The following ARHGAP24 variants were observed in gnomAD, a reference collection of about 807,000 sequenced individuals.
The protein encoded by ARHGAP24 is rho GTPase-activating protein 24.
ARHGAP24 carries 50 observed loss-of-function variants against 76.4 expected under a neutral mutation model. The observed-to-expected ratio is 0.65, with a 90% CI of 0.52 to 0.83. The LOEUF is 0.83. ARHGAP24 is among the 40% of genes least tolerant of loss of function. ARHGAP24 has a pLI of 0.00. For missense variants in ARHGAP24, 930 were observed against 914.2 expected, an observed-to-expected ratio of 1.02 and a Z score of -0.22; for synonymous variants, 345 against 323.3, an observed-to-expected ratio of 1.07 and a Z score of -0.72.
chr4:85,925,830 C>T (rs1010790213), intron 4 of ARHGAP24, among the ~76,000 whole-genome samples: 27 of 152,070 alleles, frequency 1.8e-4, no homozygotes, highest in Admixed American at 5.2e-4. Flanking sequence ...CTAGCACCTC[C>T]AGGGTAAAGG....
chr4:85,641,114 A>G (rs140061153), intron 2 of ARHGAP24, among the ~76,000 whole-genome samples: 1 of 152,120 alleles, frequency 6.6e-6, no homozygotes, highest in East Asian at 1.9e-4. Context: ...TTCTTTTAAT[A>G]GAGACAGCAT....
At chr4:85,705,360 G>A (rs1168089743) in intron 2 of ARHGAP24, among the ~76,000 whole-genome samples, 2 of 152,020 alleles carry the variant, frequency 1.3e-5, no homozygotes, top group Non-Finnish European at 2.9e-5. Flanking sequence ...GAATATACAT[G>A]TACAAATAAG....
At chr4:85,543,119 A>C (rs1375196049) in intron 1 of ARHGAP24, among the ~76,000 whole-genome samples, 2 of 152,096 alleles carry the variant, frequency 1.3e-5, no homozygotes, top group Non-Finnish European at 2.9e-5. Flanking sequence ...GATTTGGAAG[A>C]CTCCCTCATA....
At chr4:85,858,884 A>G (rs1251676489) in intron 3 of ARHGAP24, among the ~76,000 whole-genome samples, 1 of 152,060 alleles carries the variant, frequency 6.6e-6, no homozygotes, top group Non-Finnish European at 1.5e-5. Flanking sequence ...GAATCTTGAG[A>G]GGTGCACAGA....
chr4:85,561,419 T>C (rs757515134), intron 1 of ARHGAP24, among the ~76,000 whole-genome samples: 4 of 152,240 alleles, frequency 2.6e-5, no homozygotes, highest in Non-Finnish European at 5.9e-5. Flanking sequence ...GATTCCCTTG[T>C]CGGCACCACA....
chr4:86,001,056 T>C lies in ARHGAP24; in HGVS notation c.*334T>C. 1 of 472,846 alleles carries C rather than the reference T, an allele frequency of 2.1e-6. No individual in the cohort carries two copies. The allele number at this position is 472,846 out of a possible 1,614,324, so 29.3% of individuals were successfully genotyped here. On this transcript the variant is annotated 3_prime_UTR_variant, in exon 10 of 10. Coordinates refer to ENST00000395184, the MANE Select transcript of ARHGAP24 (RefSeq NM_001025616.3). ...AATATGTTGTTGCAATTTAGCTTGC[T>C]TTCAAGCTTCACCCCTTGCACTTAA... is the stretch of plus-strand genomic sequence containing the variant.
intron 3 of ARHGAP24, among the ~76,000 whole-genome samples, chr4:85,866,355 A>G (rs1480304156): frequency 1.3e-5 from 2 of 152,154 alleles, no homozygotes; most frequent in East Asian, 1.9e-4. Flanking sequence ...TTACAAAAAA[A>G]TGGAAAAAGA....
chr4:85,563,472 A>G lies in ARHGAP24; in HGVS notation c.-20-7050A>G, dbSNP rs1208033801. 2.6e-5 allele frequency among the ~76,000 whole-genome samples: 4 copies of G among 152,138 alleles called. No homozygotes were observed. The East Asian group carries it at 7.7e-4, about 29-fold the overall frequency. ...GTGGATGCAGAAAAAGAGACCACAA[A>G]TTTTCTGGTGTCTCTTCTTATAAGG... On this transcript the variant is annotated intron_variant, in intron 1 of 9. Transcript: ENST00000395184.
At chr4:85,501,697 T>G (rs1723823316) in intron 1 of ARHGAP24, among the ~76,000 whole-genome samples, 1 of 152,218 alleles carries the variant, frequency 6.6e-6, no homozygotes, top group Non-Finnish European at 1.5e-5. Context: ...TGGTAGTTTC[T>G]TTTGCTGTGC....
intron 1 of ARHGAP24, among the ~76,000 whole-genome samples, chr4:85,564,563 AAAG>A (rs1726751133): frequency 6.6e-6 from 1 of 151,994 alleles, no homozygotes; most frequent in African/African-American, 2.4e-5. Flanking sequence ...ATTAAAAAAA[AAAG>A]ATTTTGTTTT....
chr4:86,000,443 GTCCCCAC>G, intron 9 of ARHGAP24, 29 bp from the exon 10 acceptor site: 2 of 856,354 alleles, frequency 2.3e-6, no homozygotes, highest in East Asian at 3.7e-5. Flanking sequence ...TTACTCTTGC[GTCCCCAC>G]CCCCCACCCC....
At chr4:85,490,851 T>C (rs1188314221) in intron 1 of ARHGAP24, among the ~76,000 whole-genome samples, 1 of 152,208 alleles carries the variant, frequency 6.6e-6, no homozygotes, top group Non-Finnish European at 1.5e-5. Context: ...GCCTTGATAA[T>C]TGTAGAATTT....
At chr4:85,926,441 G>A (rs926736722) in intron 4 of ARHGAP24, among the ~76,000 whole-genome samples, 1 of 152,044 alleles carries the variant, frequency 6.6e-6, no homozygotes, top group African/African-American at 2.4e-5. Context: ...CTGAATATCA[G>A]AGTTTGCTAA....
At position 85,871,736 on chromosome 4, in the gene ARHGAP24, C is replaced by G. The variant is rs571886421; in HGVS notation, c.269-51912C>G. ...AGAACCTTGGAAGAGGCCCATGCAA[C>G]TGAGGGGCCTTGAAGCTTAAGCTCC... On this transcript the variant is annotated intron_variant, in intron 3 of 9. Coordinates refer to ENST00000395184, the MANE Select transcript of ARHGAP24 (RefSeq NM_001025616.3). Among the ~76,000 whole-genome samples, 4 of 152,290 alleles carry G rather than the reference C, an allele frequency of 2.6e-5. No individual in the cohort carries two copies. In the South Asian group the frequency reaches 8.3e-4, roughly 32 times the overall value.
chr4:85,797,649 A>G (rs1262280543), intron 3 of ARHGAP24, among the ~76,000 whole-genome samples: 1 of 152,168 alleles, frequency 6.6e-6, no homozygotes, highest in East Asian at 1.9e-4. Flanking sequence ...GGCTGCCTCC[A>G]TATTATGGTA....
rs1465699029 is a variant in ARHGAP24, at chr4:86,001,113, G to A, written c.*391G>A. 7.8e-6 allele frequency: 3 copies of A among 385,740 alleles called. No individual in the cohort carries two copies. Among genetic ancestry groups the A allele is most frequent in the Non-Finnish European group, 1.4e-5 (3 of 220,618 alleles). 23.9% of individuals were successfully genotyped at this position (385,740 alleles called of 1,614,324 possible). ...CTATTTTTGGCATTGTGTTATCATCGGCTTATTTTATAGATCAATATTTTT... is the reference window on the plus strand; with the variant it reads ...CTATTTTTGGCATTGTGTTATCATCAGCTTATTTTATAGATCAATATTTTT... On this transcript the variant is annotated 3_prime_UTR_variant, in exon 10 of 10. Transcript: ENST00000395184.
intron 2 of ARHGAP24, among the ~76,000 whole-genome samples, chr4:85,715,330 A>G (rs1688021262): frequency 6.6e-6 from 1 of 152,120 alleles, no homozygotes; most frequent in Non-Finnish European, 1.5e-5. Context: ...AAACTTTACT[A>G]CAATCATTTC....
At position 85,661,786 on chromosome 4, in the gene ARHGAP24, T is replaced by C. The variant is rs1257654950; in HGVS notation, c.181-60099T>C. Among the ~76,000 whole-genome samples, 3 of 152,128 alleles carry C rather than the reference T, an allele frequency of 2.0e-5. No homozygotes were observed. The South Asian group carries it at 6.2e-4, about 32-fold the overall frequency. On this transcript the variant is annotated intron_variant, in intron 2 of 9. Coordinates refer to ENST00000395184, the MANE Select transcript of ARHGAP24 (RefSeq NM_001025616.3). Reference sequence around the variant, plus strand: ...TGCGGTGTTTGGTTTTTTGTCCTTGTGATAGTTTACTGAGAATGATGATTT... The same window carrying C: ...TGCGGTGTTTGGTTTTTTGTCCTTGCGATAGTTTACTGAGAATGATGATTT...
chr4:85,758,489 T>A (rs894581438), intron 3 of ARHGAP24, among the ~76,000 whole-genome samples: 1 of 152,224 alleles, frequency 6.6e-6, no homozygotes, highest in African/African-American at 2.4e-5. Flanking sequence ...CAGCTCCTTA[T>A]AGGTTGCATG....
Sources: gnomAD v4.1 joint callset for allele counts (sites outside exome capture counted in the v4.1 genomes callset) on GRCh38, gnomAD v4.1.1 for gene constraint, MANE v1.5 for transcripts, NCBI Gene and HGNC (gene_info 2026-07-23, HGNC 2026-07-21) for gene names.